CMTM8: variants seen among roughly 807,000 people sequenced by gnomAD.
CMTM8 encodes the protein CKLF like MARVEL transmembrane domain containing 8.
In CMTM8, 12 loss-of-function variants were observed where a neutral mutation model predicts 18.6. The ratio of observed to expected loss-of-function variants is 0.65; its 90% CI spans 0.41 to 1.05. The LOEUF (loss-of-function observed/expected upper bound fraction) is 1.05. CMTM8 is among the 50% of genes least tolerant of loss of function. CMTM8 has a pLI of 0.00. For missense variants in CMTM8, 217 were observed against 227.2 expected (o/e 0.95, Z 0.29); for synonymous variants, 87 against 90.6 (o/e 0.96, Z 0.23).
At chr3:32,360,923 ATAGT>A (rs1244652867) in intron 2 of CMTM8, among the ~76,000 whole-genome samples, 1 of 152,248 alleles carries the variant, frequency 6.6e-6, no homozygotes, top group African/African-American at 2.4e-5. Context: ...TGGTTTAAAA[ATAGT>A]TATAGATCCA....
At chr3:32,320,768 G>A (rs1317673630) in intron 1 of CMTM8, among the ~76,000 whole-genome samples, 2 of 152,006 alleles carry the variant, frequency 1.3e-5, no homozygotes, top group Non-Finnish European at 2.9e-5. Context: ...GGATATGCTG[G>A]GTAATATAAG....
intron 1 of CMTM8, among the ~76,000 whole-genome samples, chr3:32,333,514 A>G (rs1199118526): frequency 6.6e-6 from 1 of 151,948 alleles, no homozygotes; most frequent in Non-Finnish European, 1.5e-5. Flanking sequence ...GCACTGGGCA[A>G]TGTTTCATTT....
chr3:32,314,857 GC>G lies in CMTM8; in HGVS notation c.148-42515del, dbSNP rs1253094864. On this transcript the variant is annotated intron_variant, in intron 1 of 3. Coordinates refer to ENST00000307526, the MANE Select transcript of CMTM8 (RefSeq NM_178868.5). ...TCTAGGGTAGGCTCAGGGTTGGGTG[GC>G]GGGGGGGGTCCAACTGAGGCCTTGT... is the stretch of plus-strand genomic sequence containing the variant. Among the ~76,000 whole-genome samples, 4 of 133,360 alleles carry G rather than the reference GC, an allele frequency of 3.0e-5. No homozygotes were observed. The East Asian group carries it at 1.3e-3, about 42-fold the overall frequency. 87.5% of individuals were successfully genotyped at this position (133,360 alleles called of 152,430 possible).
intron 1 of CMTM8, among the ~76,000 whole-genome samples, chr3:32,312,282 C>T (rs1313239769): frequency 6.6e-6 from 1 of 152,056 alleles, no homozygotes; most frequent in African/African-American, 2.4e-5. Context: ...AAAGGGGGCC[C>T]GCATCCCTCA....
At chr3:32,252,318 A>C (rs1702121838) in intron 1 of CMTM8, among the ~76,000 whole-genome samples, 1 of 152,218 alleles carries the variant, frequency 6.6e-6, no homozygotes, top group South Asian at 2.1e-4. Flanking sequence ...TTTAATATTC[A>C]ATAGGGTAAG....
At chr3:32,273,908 C>T (rs1455330443) in intron 1 of CMTM8, among the ~76,000 whole-genome samples, 3 of 152,100 alleles carry the variant, frequency 2.0e-5, no homozygotes, top group Admixed American at 6.6e-5. Flanking sequence ...TTAACAAACT[C>T]TCAGGGTGGA....
chr3:32,369,980 A>G lies in CMTM8; in HGVS notation c.*13A>G. The G allele has an allele frequency of 6.6e-7, 1 of 1,506,092 alleles. No individual in the cohort carries two copies. The highest frequency in any genetic ancestry group is 9.1e-7 in the Non-Finnish European group (1 of 1,096,608). The allele number at this position is 1,506,092 out of a possible 1,614,324, so 93.3% of individuals were successfully genotyped here. On this transcript the variant is annotated 3_prime_UTR_variant, in exon 4 of 4. Transcript: ENST00000307526. ...GACCATACAGTGATTTACCATTTTG[A>G]TAATTAAAAGGAAAAAAAAAGGAAG... is the stretch of plus-strand genomic sequence containing the variant.
intron 1 of CMTM8, among the ~76,000 whole-genome samples, chr3:32,339,090 A>G (rs936744267): frequency 6.6e-6 from 1 of 152,218 alleles, no homozygotes; most frequent in African/African-American, 2.4e-5. Context: ...GTCACATAGC[A>G]TAATTTCTGC....
chr3:32,265,879 A>C (rs1702334261), intron 1 of CMTM8, among the ~76,000 whole-genome samples: 1 of 152,214 alleles, frequency 6.6e-6, no homozygotes, highest in African/African-American at 2.4e-5. Context: ...TCCTGGACAC[A>C]TACACCCTCC....
In CMTM8 at chr3:32,357,486, C is replaced by T. The variant is rs1321480262; in HGVS notation, c.261C>T (p.Phe87=). Residue 87 remains phenylalanine (F), a synonymous_variant, in exon 2 of 4, where the codon TTC becomes TTT. Transcript: ENST00000307526. The part of the protein sequence containing the change: ...AVFYWVLTVF[F]LIIYITMTYT... ...TTTACTGGGTCCTCACCGTCTTCTT[C>T]CTCATTATCTACATAACAATGACCT... 1.2e-6 allele frequency: 2 copies of T among 1,613,972 alleles called. No homozygotes were observed. Among genetic ancestry groups the T allele is most frequent in the South Asian group, 1.1e-5 (1 of 91,064 alleles).
At chr3:32,353,123 AG>A (rs1696746759) in intron 1 of CMTM8, among the ~76,000 whole-genome samples, 1 of 152,122 alleles carries the variant, frequency 6.6e-6, no homozygotes, top group Non-Finnish European at 1.5e-5. Flanking sequence ...CCTCCCTAGT[AG>A]CTGGGATTAC....
chr3:32,298,988 A>G (rs924463746), intron 1 of CMTM8, among the ~76,000 whole-genome samples: 1 of 141,716 alleles, frequency 7.1e-6, no homozygotes, highest in African/African-American at 2.6e-5. Context: ...GGTCCAGGCT[A>G]TGTTGCCCAA....
At chr3:32,357,306 C>A in intron 1 of CMTM8, 67 bp from the exon 2 acceptor site, 4 of 1,135,778 alleles carry the variant, frequency 3.5e-6, no homozygotes, top group Non-Finnish European at 5.1e-6. Context: ...TTCTTTGTCC[C>A]TCCTTCCTTC....
chr3:32,312,533 C>A (rs1389873071), intron 1 of CMTM8, among the ~76,000 whole-genome samples: 1 of 152,100 alleles, frequency 6.6e-6, no homozygotes, highest in African/African-American at 2.4e-5. Context: ...GAGCTGTGTC[C>A]CCATGGAGTT....
chr3:32,319,898 T>G (rs764278970), intron 1 of CMTM8, among the ~76,000 whole-genome samples: 5 of 152,216 alleles, frequency 3.3e-5, no homozygotes, highest in Admixed American at 6.5e-5. Context: ...CTTTGGGGGT[T>G]GCAGTCAGTA....
rs1176068898 is a variant in CMTM8 at position 32,346,813 on chromosome 3, TC to T, written c.148-10559del. Among the ~76,000 whole-genome samples, 20 of 92,210 alleles carry T rather than the reference TC, an allele frequency of 2.2e-4. 1 individual carries two copies. Among genetic ancestry groups the T allele is most frequent in the Non-Finnish European group, 3.5e-4 (14 of 40,040 alleles). The allele number at this position is 92,210 out of a possible 152,430, so 60.5% of individuals were successfully genotyped here. A position where few individuals can be genotyped will look rare whatever the true frequency, so the allele number is the denominator to read the frequency against. ...AAGCTTCCTTTCTCCATGTTATAAT[TC>T]TTTTTTTTTTTTTTTTCTTTTTTTG... On this transcript the variant is annotated intron_variant, in intron 1 of 3. Transcript: ENST00000307526.
chr3:32,362,784 G>A (rs77329906), intron 2 of CMTM8, among the ~76,000 whole-genome samples: 3,862 of 152,276 alleles, frequency 0.025, 68 homozygotes, highest in East Asian at 0.098. Context: ...ATTGGCAGGG[G>A]CTGAGAGTCA....
At chr3:32,333,093 T>C (rs1199749494) in intron 1 of CMTM8, among the ~76,000 whole-genome samples, 1 of 152,224 alleles carries the variant, frequency 6.6e-6, no homozygotes, top group East Asian at 1.9e-4. Context: ...ATATGGACTC[T>C]GTTGCAACTA....
At chr3:32,311,543 A>G (rs1209280370) in intron 1 of CMTM8, among the ~76,000 whole-genome samples, 4 of 152,116 alleles carry the variant, frequency 2.6e-5, no homozygotes, top group African/African-American at 9.7e-5. Flanking sequence ...TTGTGACTAT[A>G]TCAGGCTCAT....
Sources: gnomAD v4.1 joint callset for allele counts (sites outside exome capture counted in the v4.1 genomes callset) on GRCh38, gnomAD v4.1.1 for gene constraint, MANE v1.5 for transcripts, NCBI Gene and HGNC (gene_info 2026-07-23, HGNC 2026-07-21) for gene names.